The following MBP variants were observed in gnomAD, a reference collection of about 807,000 sequenced individuals.
MBP encodes myelin basic protein.
MBP carries 16 observed loss-of-function variants against 35.8 expected under a neutral mutation model. That is an observed-to-expected ratio of 0.45 (90% confidence interval 0.30 to 0.68). MBP has a LOEUF of 0.68. Among genes scored for constraint, MBP ranks in the 30% least tolerant of loss-of-function variants. The probability of loss-of-function intolerance (pLI) is 0.08; values close to 1 mark genes in which losing one functional copy is unlikely to be tolerated. For missense variants in MBP, 380 were observed against 404.7 expected (o/e 0.94, Z 0.52); for synonymous variants, 143 against 159.6 (o/e 0.90, Z 0.78).
In MBP at chr18:77,020,314, G is replaced by A. The variant is rs923995686; in HGVS notation, c.140-3046C>T. Among the ~76,000 whole-genome samples the A allele has an allele frequency of 2.6e-5, 4 of 152,080 alleles. No homozygotes were observed. The highest frequency in any genetic ancestry group is 3.9e-4 in the East Asian group (2 of 5,180). ...GGGAAGGTGTAGACAGGGAACCAGC[G>A]AACAGTTGAGAATGCATGCCTGCCA... On this transcript the variant is annotated intron_variant, in intron 3 of 8. Transcript: ENST00000355994. The surrounding 1 kb of genome is among the most constrained non-coding windows in gnomAD (Gnocchi z 4.1).
intron 1 of MBP, among the ~76,000 whole-genome samples, chr18:77,118,246 T>C (rs1029037375): frequency 6.7e-6 from 1 of 149,248 alleles, no homozygotes; most frequent in Non-Finnish European, 1.5e-5. Flanking sequence ...GGTCAGTGGG[T>C]TCGGGAGCAG....
Position 76,988,288 on chromosome 18 carries a change from A to C in MBP, c.750+207T>G, listed in dbSNP as rs1419612733. ...AGGGCTGGGTCCCCGGCACAGAAGC[A>C]AGAGACCAGACCTTCCGGAAGGGAA... On this transcript the variant is annotated intron_variant, in intron 7 of 8. Transcript: ENST00000355994. This position sits in a 1 kb window ranked among gnomAD's most constrained non-coding sequence, Gnocchi z 5.2. 6.4e-7 allele frequency: 1 copy of C among 1,553,102 alleles called. No individual in the cohort carries two copies. The highest frequency in any genetic ancestry group is 1.4e-5 in the African/African-American group (1 of 73,146).
chr18:77,052,773 G>T (rs1342602016), intron 3 of MBP, among the ~76,000 whole-genome samples: 1 of 152,094 alleles, frequency 6.6e-6, no homozygotes, highest in African/African-American at 2.4e-5. Flanking sequence ...GACTCCTGAT[G>T]GGAAGTACCC....
intron 8 of MBP, chr18:76,983,005 A>G (rs1275664708): frequency 6.6e-6 from 1 of 152,256 alleles, no homozygotes; most frequent in Non-Finnish European, 1.5e-5. Flanking sequence ...GCACACAGTA[A>G]ATGTGCAGAT....
chr18:76,982,507 A>G (rs1329403398), intron 8 of MBP: 1 of 152,256 alleles, frequency 6.6e-6, no homozygotes, highest in African/African-American at 2.4e-5. Context: ...TGGAAACAGG[A>G]TGCTCCTATG....
rs1028847519 is a variant in MBP, at chr18:77,014,295, A to G, written c.576+2537T>C. 5 of 985,326 alleles carry G rather than the reference A, an allele frequency of 5.1e-6. No homozygotes were observed. The East Asian group carries it at 4.5e-4, about 89-fold the overall frequency. The allele number at this position is 985,326 out of a possible 1,614,324, so 61.0% of individuals were successfully genotyped here. ...TGGTACCAGCGGCCATGTGCCCTCA[A>G]GGGGAGGGAGGAAGAGCACAGGAGG... On this transcript the variant is annotated intron_variant, in intron 4 of 8. Coordinates refer to ENST00000355994, the MANE Select transcript of MBP (RefSeq NM_001025101.2).
At chr18:77,014,131 A>G in intron 4 of MBP, 1 of 985,424 alleles carries the variant, frequency 1.0e-6, no homozygotes, top group Non-Finnish European at 1.2e-6. Context: ...CCGTGAATGC[A>G]CTTTTCATTT....
At chr18:77,009,730 G>T (rs772445240) in intron 4 of MBP, 2 of 867,024 alleles carry the variant, frequency 2.3e-6, no homozygotes, top group Non-Finnish European at 3.6e-6. Flanking sequence ...CAGATGCCCC[G>T]GAGGCTGGGG....
At chr18:77,105,416 T>C (rs1976236161) in intron 1 of MBP, 130 bp from the exon 2 acceptor site, 2 of 557,324 alleles carry the variant, frequency 3.6e-6, no homozygotes, top group Non-Finnish European at 6.8e-6. Flanking sequence ...ACCAAGGCCC[T>C]GAAAACAGAA....
At position 77,029,060 on chromosome 18, in the gene MBP, G is replaced by T. The variant is rs1379721242; in HGVS notation, c.140-11792C>A. Among the ~76,000 whole-genome samples the T allele has an allele frequency of 3.6e-3, 371 of 104,182 alleles. 70 individuals carry two copies. The highest frequency in any genetic ancestry group is 7.0e-3 in the Non-Finnish European group (285 of 40,624). The allele number at this position is 104,182 out of a possible 152,430, so 68.3% of individuals were successfully genotyped here. A position where few individuals can be genotyped will look rare whatever the true frequency, so the allele number is the denominator to read the frequency against. The stretch of plus-strand genomic sequence containing the variant: ...GGCACTTTGGGAGGCCAAGGCAGGC[G>T]GCTGGGAGGTGGAGGTTGTAGCGAG... On this transcript the variant is annotated intron_variant, in intron 3 of 8. Transcript: ENST00000355994.
rs58055445 is a variant in MBP at position 77,044,321 on chromosome 18, T to C, written c.139+21977A>G. Among the ~76,000 whole-genome samples the C allele has an allele frequency of 0.12, 18,263 of 151,970 alleles. 1,328 individuals carry two copies. The highest frequency in any genetic ancestry group is 0.31 in the East Asian group (1,577 of 5,152). ...CGGGGTCCAAACCCCTCTTCAACTG[T>C]CCTCCAAGCTTCAGGTCCACCGTGA... On this transcript the variant is annotated intron_variant, in intron 3 of 8. Transcript: ENST00000355994. The surrounding 1 kb of genome is among the most constrained non-coding windows in gnomAD (Gnocchi z 4.4).
In MBP at chr18:76,989,735, ACGCACGGAG is replaced by A; in HGVS notation, c.681+212_681+220del. The A allele has an allele frequency of 7.6e-6, 4 of 526,288 alleles. No individual in the cohort carries two copies. Among genetic ancestry groups the A allele is most frequent in the Non-Finnish European group, 1.4e-5 (4 of 292,968 alleles). 32.6% of individuals were successfully genotyped at this position (526,288 alleles called of 1,614,324 possible). A position where few individuals can be genotyped will look rare whatever the true frequency, so the allele number is the denominator to read the frequency against. ...TCAAGAGAAGTGAGCTCTCTGGAGA[ACGCACGGAG>A]CGCACGGTGCAATCCGTGGCAGATA... On this transcript the variant is annotated intron_variant, in intron 5 of 8. Transcript: ENST00000355994. This position sits in a 1 kb window ranked among gnomAD's most constrained non-coding sequence, Gnocchi z 4.0.
chr18:77,016,620 G>T, intron 4 of MBP: 1 of 1,412,404 alleles, frequency 7.1e-7, no homozygotes, highest in Non-Finnish European at 9.2e-7. Context: ...ACCATCCCTT[G>T]TGAGGAAAAG....
intron 2 of MBP, among the ~76,000 whole-genome samples, chr18:77,086,026 CAGAG>C (rs138444810): frequency 1.3e-5 from 2 of 151,262 alleles, no homozygotes; most frequent in African/African-American, 2.4e-5. Flanking sequence ...GACAGACAAA[CAGAG>C]AGAGAGAGAG....
At chr18:77,129,052 C>A (rs1235464046) in intron 1 of MBP, among the ~76,000 whole-genome samples, 3 of 152,134 alleles carry the variant, frequency 2.0e-5, no homozygotes, top group Non-Finnish European at 4.4e-5. Flanking sequence ...AAGTCCTTTT[C>A]TTATTTTATC....
intron 3 of MBP, among the ~76,000 whole-genome samples, chr18:77,035,032 C>T (rs79124007): frequency 0.017 from 2,622 of 152,260 alleles, 75 homozygotes; most frequent in African/African-American, 0.059. Flanking sequence ...TGTGCGGAGC[C>T]GGAGGATGCA....
chr18:77,029,007 G>A (rs1239414923), intron 3 of MBP, among the ~76,000 whole-genome samples: 1 of 109,270 alleles, frequency 9.2e-6, no homozygotes, highest in Non-Finnish European at 2.3e-5. Context: ...CCCAGACGGG[G>A]TGGCGGCCGG....
chr18:77,087,386 T>G (rs905959855), intron 2 of MBP: 1 of 152,218 alleles, frequency 6.6e-6, no homozygotes, highest in East Asian at 1.9e-4. Context: ...CCACTCCCAT[T>G]TTTTTCTTTT....
intron 3 of MBP, among the ~76,000 whole-genome samples, chr18:77,035,071 G>A (rs1972704222): frequency 6.6e-6 from 1 of 152,238 alleles, no homozygotes; most frequent in East Asian, 1.9e-4. Context: ...TTCCATGGAA[G>A]CACAGCTCCC....
Sources: gnomAD v4.1 joint callset for allele counts (sites outside exome capture counted in the v4.1 genomes callset) on GRCh38, gnomAD v4.1.1 for gene constraint, Gnocchi (gnomAD v3.1) non-coding constraint, MANE v1.5 for transcripts, NCBI Gene and HGNC (gene_info 2026-07-23, HGNC 2026-07-21) for gene names.